Variants in PTPRG observed in about 807,000 individuals in gnomAD.
The protein encoded by PTPRG is protein tyrosine phosphatase receptor type G.
Under a neutral mutation model 165.3 loss-of-function variants are expected in PTPRG, and 102 were observed. That is an observed-to-expected ratio of 0.62 (90% CI 0.53 to 0.73). The LOEUF is 0.73. PTPRG is among the 30% of genes least tolerant of loss of function. The pLI is 0.00. For missense variants in PTPRG, 1,866 were observed against 1,861.4 expected, an observed-to-expected ratio of 1.00 and a Z score of -0.05; for synonymous variants, 675 against 669.5, an observed-to-expected ratio of 1.01 and a Z score of -0.13.
chr3:62,081,368 C>T (rs897801971), intron 5 of PTPRG, among the ~76,000 whole-genome samples: 2 of 151,976 alleles, frequency 1.3e-5, no homozygotes, highest in African/African-American at 4.8e-5. Context: ...TATTTAGATA[C>T]AAATCTCCCT....
intron 4 of PTPRG, among the ~76,000 whole-genome samples, chr3:62,022,216 G>T (rs1296517229): frequency 1.3e-5 from 2 of 152,062 alleles, no homozygotes; most frequent in African/African-American, 4.8e-5. Context: ...GTATGTTATA[G>T]GTGACCTATT....
At chr3:61,711,452 T>G (rs935059641) in intron 1 of PTPRG, among the ~76,000 whole-genome samples, 3 of 152,262 alleles carry the variant, frequency 2.0e-5, no homozygotes, top group Non-Finnish European at 4.4e-5. Context: ...GACTTTTTAA[T>G]GATCGCCATT....
intron 1 of PTPRG, among the ~76,000 whole-genome samples, chr3:61,698,198 G>A (rs2030722852): frequency 6.6e-6 from 1 of 152,066 alleles, no homozygotes; most frequent in African/African-American, 2.4e-5. Context: ...ATGAACTTAG[G>A]TTGGGAAGGA....
intron 8 of PTPRG, among the ~76,000 whole-genome samples, chr3:62,185,896 G>A (rs1415801548): frequency 6.6e-6 from 1 of 152,166 alleles, no homozygotes; most frequent in Non-Finnish European, 1.5e-5. Context: ...ATTTGCATGG[G>A]TCTGGCTCCA....
In PTPRG at chr3:62,045,420, CAG is replaced by C. The variant is rs200199616; in HGVS notation, c.520-32739_520-32738del. Among the ~76,000 whole-genome samples, 109 of 152,322 alleles carry C rather than the reference CAG, an allele frequency of 7.2e-4. No individual in the cohort carries two copies. The East Asian group carries it at 0.018, about 25-fold the overall frequency. On this transcript the variant is annotated intron_variant, in intron 4 of 29. Transcript: ENST00000474889. ...AGCTGTACCGCCCTTAGCCAAGAAA[CAG>C]AGAAGGAAACAAATGCAGTTTTCTC...
At position 62,186,567 on chromosome 3, in the gene PTPRG, C is replaced by CTTTTTTTTTTTTTT. The variant is rs35133425; in HGVS notation, c.1034-4898_1034-4885dup. ...GTTGAAGCTGGATTTTTTTCTTTTC[C>CTTTTTTTTTTTTTT]TTTTTTTTTTTTTTTTTGAGATAGG... On this transcript the variant is annotated intron_variant, in intron 8 of 29. Transcript: ENST00000474889. 5.1e-3 allele frequency among the ~76,000 whole-genome samples: 604 copies of CTTTTTTTTTTTTTT among 117,362 alleles called. 16 individuals are homozygous for CTTTTTTTTTTTTTT. Among genetic ancestry groups the CTTTTTTTTTTTTTT allele is most frequent in the East Asian group, 0.011 (41 of 3,724 alleles). 77.0% of individuals were successfully genotyped at this position (117,362 alleles called of 152,430 possible).
intron 2 of PTPRG, among the ~76,000 whole-genome samples, chr3:61,773,110 T>A (rs542195002): frequency 6.6e-6 from 1 of 152,178 alleles, no homozygotes; most frequent in East Asian, 1.9e-4. Context: ...TTAGGAAATA[T>A]GTGTGTTATC....
chr3:62,010,369 C>CG (rs2041392168), intron 4 of PTPRG, among the ~76,000 whole-genome samples: 3 of 68,942 alleles, frequency 4.4e-5, no homozygotes, highest in African/African-American at 1.3e-4. Context: ...TCCCTCTCTT[C>CG]TTGTGTGTGT....
chr3:61,672,758 G>T (rs1257262527), intron 1 of PTPRG, among the ~76,000 whole-genome samples: 1 of 99,880 alleles, frequency 1.0e-5, no homozygotes, highest in South Asian at 3.5e-4. Flanking sequence ...GAGAGGGAGA[G>T]GGAGAAGAGG....
intron 2 of PTPRG, among the ~76,000 whole-genome samples, chr3:61,914,362 CT>C (rs2038878632): frequency 6.6e-6 from 1 of 152,154 alleles, no homozygotes; most frequent in Non-Finnish European, 1.5e-5. Context: ...CCCATGGGGA[CT>C]TTGAATTTCT....
At chr3:61,885,671 CCTCTCCTCT>C (rs1441372898) in intron 2 of PTPRG, among the ~76,000 whole-genome samples, 15 of 63,768 alleles carry the variant, frequency 2.4e-4, no homozygotes, top group South Asian at 1.3e-3. Context: ...CCTCTCCTCT[CCTCTCCTCT>C]CCTCTCCTCT....
intron 1 of PTPRG, among the ~76,000 whole-genome samples, chr3:61,654,243 A>G (rs1305512068): frequency 6.6e-6 from 1 of 152,058 alleles, no homozygotes; most frequent in East Asian, 1.9e-4. Context: ...CACCCCCTGC[A>G]CCCATATGCT....
chr3:61,656,044 C>T lies in PTPRG; in HGVS notation c.86-92834C>T, dbSNP rs1198637303. On this transcript the variant is annotated intron_variant, in intron 1 of 29. Coordinates refer to ENST00000474889, the MANE Select transcript of PTPRG (RefSeq NM_002841.4). ...AACGTGGGCAACATAGCAAGACCCC[C>T]CCCCCCCCGACCATCTCTAAAGAAA... 2.7e-3 allele frequency among the ~76,000 whole-genome samples: 407 copies of T among 150,852 alleles called. 2 individuals carry two copies. Among genetic ancestry groups the T allele is most frequent in the African/African-American group, 9.5e-3 (390 of 41,052 alleles).
chr3:61,653,799 A>G (rs921819493), intron 1 of PTPRG, among the ~76,000 whole-genome samples: 5 of 149,864 alleles, frequency 3.3e-5, no homozygotes, highest in African/African-American at 1.2e-4. Context: ...TGAGATTAGA[A>G]TTCACCTTGG....
At position 61,685,342 on chromosome 3, in the gene PTPRG, G is replaced by A. The variant is rs72876298; in HGVS notation, c.86-63536G>A. Among the ~76,000 whole-genome samples the A allele has an allele frequency of 1.9e-3, 289 of 152,350 alleles. 2 individuals are homozygous for A. Among genetic ancestry groups the A allele is most frequent in the African/African-American group, 6.7e-3 (279 of 41,588 alleles). ...AAGGAAGTCTGACCAGGGAGGAGAA[G>A]AGGGTTGGTTAAAATTAAGAGTGTC... On this transcript the variant is annotated intron_variant, in intron 1 of 29. Transcript: ENST00000474889.
chr3:62,069,343 T>G (rs1200062618), intron 4 of PTPRG, among the ~76,000 whole-genome samples: 1 of 152,186 alleles, frequency 6.6e-6, no homozygotes. Flanking sequence ...GCAAATACTC[T>G]TAGATCTTCA....
rs181433667 is a variant in PTPRG, at chr3:61,910,411, T to G, written c.191-79214T>G. On this transcript the variant is annotated intron_variant, in intron 2 of 29. Coordinates refer to ENST00000474889, the MANE Select transcript of PTPRG (RefSeq NM_002841.4). ...AGATTCTCATTGCCTCGTATCCTAATGTTGTCCAACCCAGTGGGTATGAAA... is the reference window on the plus strand; with the variant it reads ...AGATTCTCATTGCCTCGTATCCTAAGGTTGTCCAACCCAGTGGGTATGAAA... Among the ~76,000 whole-genome samples, 38 of 152,326 alleles carry G rather than the reference T, an allele frequency of 2.5e-4. No individual in the cohort carries two copies. The East Asian group carries it at 6.6e-3, about 26-fold the overall frequency.
Position 62,292,401 on chromosome 3 carries a change from CTTT to C in PTPRG, c.4056-12_4056-10del. The C allele has an allele frequency of 1.4e-6, 2 of 1,453,274 alleles. No homozygotes were observed. Among genetic ancestry groups the C allele is most frequent in the South Asian group, 1.3e-5 (1 of 77,846 alleles). The allele number at this position is 1,453,274 out of a possible 1,614,324, so 90.0% of individuals were successfully genotyped here. A position where few individuals can be genotyped will look rare whatever the true frequency, so the allele number is the denominator to read the frequency against. Reference sequence around the variant, plus strand: ...TCCCTTTGTACATCTGAAATCGTATCTTTTTTTTTTCTCCCCCAGGTATGGAGC... The same window carrying C: ...TCCCTTTGTACATCTGAAATCGTATCTTTTTTTCTCCCCCAGGTATGGAGC... On this transcript the variant is annotated splice_polypyrimidine_tract_variant and intron_variant, in intron 28 of 29. Coordinates refer to ENST00000474889, the MANE Select transcript of PTPRG (RefSeq NM_002841.4).
chr3:62,140,375 A>C (rs1266461558), intron 6 of PTPRG, among the ~76,000 whole-genome samples: 2 of 152,250 alleles, frequency 1.3e-5, no homozygotes, highest in African/African-American at 4.8e-5. Context: ...ATCAGTGGGA[A>C]CACAGATATA....
Sources: allele counts gnomAD v4.1 joint callset (sites outside exome capture counted in the v4.1 genomes callset), GRCh38; gene constraint gnomAD v4.1.1; transcripts MANE v1.5; gene names NCBI Gene and HGNC (gene_info 2026-07-23, HGNC 2026-07-21).